CSMD1: variants seen among roughly 807,000 people sequenced by gnomAD.
The protein encoded by CSMD1 is CUB and sushi domain-containing protein 1.
In CSMD1, 213 loss-of-function variants were observed where a neutral mutation model predicts 417.5. That is an observed-to-expected ratio of 0.51 (90% CI 0.46 to 0.57). CSMD1 has a LOEUF of 0.57. Ranked by LOEUF, CSMD1 falls within the 20% of genes least tolerant of loss-of-function variation. The probability of loss-of-function intolerance (pLI) is 0.00; values close to 1 mark genes in which losing one functional copy is unlikely to be tolerated. For synonymous variants in CSMD1, 2,862 were observed against 1,736.8 expected (o/e 1.65, Z -16.11); for missense variants, 6,923 against 4,529.7 (o/e 1.53, Z -15.17).
intron 2 of CSMD1, among the ~76,000 whole-genome samples, chr8:4,433,777 A>C (rs1210934824): frequency 1.3e-5 from 2 of 152,164 alleles, no homozygotes; most frequent in Admixed American, 6.6e-5. Flanking sequence ...ATGGAGTTTA[A>C]AATTTGTGTC....
intron 1 of CSMD1, among the ~76,000 whole-genome samples, chr8:4,840,967 G>A (rs993621891): frequency 1.3e-5 from 2 of 152,106 alleles, no homozygotes; most frequent in Middle Eastern, 3.2e-3. Context: ...AAGTGCACTG[G>A]GCTAGTCCGA....
chr8:3,492,743 C>A (rs768978146), intron 11 of CSMD1, among the ~76,000 whole-genome samples: 1 of 152,168 alleles, frequency 6.6e-6, no homozygotes, highest in African/African-American at 2.4e-5. Context: ...TGGGATCAGT[C>A]TGCAAATATT....
chr8:3,403,588 T>G (rs1024198328), intron 15 of CSMD1, among the ~76,000 whole-genome samples: 70 of 152,332 alleles, frequency 4.6e-4, no homozygotes, highest in African/African-American at 1.5e-3. Flanking sequence ...CCCTGCAGGT[T>G]GTAACATATC....
At chr8:3,157,145 G>C (rs1172837583) in intron 39 of CSMD1, among the ~76,000 whole-genome samples, 1 of 152,104 alleles carries the variant, frequency 6.6e-6, no homozygotes, top group Non-Finnish European at 1.5e-5. Context: ...GACAGTACCT[G>C]CAAGGTTGAA....
chr8:3,560,342 T>C (rs1204571996), intron 10 of CSMD1, among the ~76,000 whole-genome samples: 1 of 152,176 alleles, frequency 6.6e-6, no homozygotes, highest in Non-Finnish European at 1.5e-5. Context: ...GTACCTATCA[T>C]TATCATCACC....
At chr8:3,075,280 C>CT (rs567862698) in intron 49 of CSMD1, among the ~76,000 whole-genome samples, 115 of 39,400 alleles carry the variant, frequency 2.9e-3, no homozygotes, top group Middle Eastern at 0.01. Context: ...TTCTTTCTTT[C>CT]TTTTTTTTTT....
At chr8:4,047,798 G>C (rs60625973) in intron 3 of CSMD1, among the ~76,000 whole-genome samples, 10,412 of 151,902 alleles carry the variant, frequency 0.069, 759 homozygotes, top group African/African-American at 0.17. Context: ...TTTTACATTA[G>C]GTAGTCAGGA....
chr8:4,458,255 G>C (rs539540460), intron 2 of CSMD1, among the ~76,000 whole-genome samples: 3 of 152,086 alleles, frequency 2.0e-5, no homozygotes, highest in South Asian at 2.1e-4. Context: ...TGGTTGCAGA[G>C]TAACCACAAA....
chr8:4,794,991 C>A (rs911961083), intron 1 of CSMD1, among the ~76,000 whole-genome samples: 2 of 150,030 alleles, frequency 1.3e-5, no homozygotes, highest in Non-Finnish European at 2.9e-5. Context: ...AAGAATGGTG[C>A]CTTAGGAAGT....
intron 7 of CSMD1, among the ~76,000 whole-genome samples, chr8:3,675,979 G>C (rs1249861545): frequency 6.6e-6 from 1 of 152,092 alleles, no homozygotes; most frequent in Non-Finnish European, 1.5e-5. Flanking sequence ...CATCTTCCCA[G>C]TCAGAGACTC....
chr8:3,699,727 A>C (rs772609437), intron 7 of CSMD1, among the ~76,000 whole-genome samples: 5 of 152,250 alleles, frequency 3.3e-5, no homozygotes, highest in Non-Finnish European at 5.9e-5. Flanking sequence ...GATGCTGATC[A>C]TCTTTATGAC....
At chr8:3,650,489 C>T (rs1474481580) in intron 7 of CSMD1, among the ~76,000 whole-genome samples, 1 of 152,150 alleles carries the variant, frequency 6.6e-6, no homozygotes, top group Non-Finnish European at 1.5e-5. Context: ...TTAAGCTTAG[C>T]TGGTGGGACC....
intron 2 of CSMD1, among the ~76,000 whole-genome samples, chr8:4,504,031 A>C (rs916886935): frequency 6.6e-6 from 1 of 152,016 alleles, no homozygotes; most frequent in African/African-American, 2.4e-5. Flanking sequence ...CTGTGTTCTC[A>C]TGTTCATTGC....
chr8:4,357,099 A>G (rs60695300), intron 3 of CSMD1, among the ~76,000 whole-genome samples: 11,199 of 152,260 alleles, frequency 0.074, 1,313 homozygotes, highest in African/African-American at 0.24. Context: ...TGTGTTATGT[A>G]TTACAACTCT....
rs576741729 is a variant in CSMD1 at position 3,290,677 on chromosome 8, T to C, written c.3951-6331A>G. Among the ~76,000 whole-genome samples the C allele has an allele frequency of 2.6e-4, 39 of 147,640 alleles. 2 individuals are homozygous for C. Among genetic ancestry groups the C allele is most frequent in the Admixed American group, 2.5e-3 (38 of 15,022 alleles). ...TTGTGATTTTTGCACATTGATTTTG[T>C]ATCCTGAGACTTTGCTGAAGTTGCT... On this transcript the variant is annotated intron_variant, in intron 25 of 69. Coordinates refer to ENST00000635120, the MANE Select transcript of CSMD1 (RefSeq NM_033225.6).
chr8:4,132,192 ATTTTTTT>A (rs5889019), intron 3 of CSMD1, among the ~76,000 whole-genome samples: 1 of 95,780 alleles, frequency 1.0e-5, no homozygotes, highest in African/African-American at 3.9e-5. Flanking sequence ...TTTGTCATGG[ATTTTTTT>A]TTTTTTTTTT....
chr8:3,638,408 G>C (rs180810539), intron 7 of CSMD1, among the ~76,000 whole-genome samples: 155 of 151,994 alleles, frequency 1.0e-3, no homozygotes, highest in African/African-American at 3.6e-3. Flanking sequence ...CTGAGAGAAA[G>C]GTCCTAGTTT....
At chr8:3,426,349 A>G (rs181313122) in intron 12 of CSMD1, among the ~76,000 whole-genome samples, 1 of 152,316 alleles carries the variant, frequency 6.6e-6, no homozygotes, top group African/African-American at 2.4e-5. Flanking sequence ...TCAGACAGTG[A>G]TCATGAGACT....
At chr8:3,767,154 T>C (rs533872747) in intron 5 of CSMD1, among the ~76,000 whole-genome samples, 213 of 152,352 alleles carry the variant, frequency 1.4e-3, no homozygotes, top group Non-Finnish European at 2.6e-3. Flanking sequence ...AGCTGGTCTG[T>C]CTGTGCTGTG....
Sources: gnomAD v4.1 joint callset for allele counts (sites outside exome capture counted in the v4.1 genomes callset) on GRCh38, gnomAD v4.1.1 for gene constraint, MANE v1.5 for transcripts, NCBI Gene and HGNC (gene_info 2026-07-23, HGNC 2026-07-21) for gene names.